CLPB: variants seen among roughly 807,000 people sequenced by gnomAD.
CLPB encodes the protein mitochondrial disaggregase.
A neutral mutation model predicts 78.4 loss-of-function variants in CLPB; 40 were observed. The ratio of observed to expected loss-of-function variants is 0.51; its 90% CI spans 0.40 to 0.66. The LOEUF (loss-of-function observed/expected upper bound fraction) is 0.66. Ranked by LOEUF, CLPB falls within the 30% of genes least tolerant of loss-of-function variation. CLPB has a pLI of 0.00. For missense variants in CLPB, 780 were observed against 886.9 expected (o/e 0.88, Z 1.53); for synonymous variants, 333 against 348.0 (o/e 0.96, Z 0.48).
intron 9 of CLPB, among the ~76,000 whole-genome samples, chr11:72,304,436 G>C (rs1447427621): frequency 1.3e-5 from 2 of 152,166 alleles, no homozygotes; most frequent in African/African-American, 4.8e-5. Flanking sequence ...GACTCAGATA[G>C]TTGTTCTTTA....
At chr11:72,368,458 A>G (rs1384203808) in intron 4 of CLPB, among the ~76,000 whole-genome samples, 3 of 152,198 alleles carry the variant, frequency 2.0e-5, no homozygotes, top group Admixed American at 6.5e-5. Context: ...TTCAACTCCA[A>G]GGCTTATAAC....
At chr11:72,412,445 T>C (rs1490373398) in intron 2 of CLPB, among the ~76,000 whole-genome samples, 1 of 152,216 alleles carries the variant, frequency 6.6e-6, no homozygotes, top group Non-Finnish European at 1.5e-5. Context: ...CTATTTCCTA[T>C]CACAGAAAAC....
intron 5 of CLPB, among the ~76,000 whole-genome samples, chr11:72,346,608 T>C (rs1790606448): frequency 6.6e-6 from 1 of 150,446 alleles, no homozygotes; most frequent in Non-Finnish European, 1.5e-5. Context: ...AAGATGGAGA[T>C]ATGCCACACT....
chr11:72,346,239 T>C (rs867224265), intron 5 of CLPB, among the ~76,000 whole-genome samples: 2 of 152,116 alleles, frequency 1.3e-5, no homozygotes, highest in African/African-American at 2.4e-5. Flanking sequence ...CTGGACAACA[T>C]AGCTAGATGC....
chr11:72,342,265 G>A (rs1950434428), intron 5 of CLPB, among the ~76,000 whole-genome samples: 1 of 152,180 alleles, frequency 6.6e-6, no homozygotes, highest in Non-Finnish European at 1.5e-5. Context: ...AGTGTGGTTA[G>A]AAAGAGGTGG....
At chr11:72,403,708 G>C (rs1423610676) in intron 2 of CLPB, among the ~76,000 whole-genome samples, 1 of 152,160 alleles carries the variant, frequency 6.6e-6, no homozygotes, top group African/African-American at 2.4e-5. Flanking sequence ...AGGTTCCTAG[G>C]AGAGTCCACA....
At chr11:72,384,715 A>G (rs1395428358) in intron 3 of CLPB, among the ~76,000 whole-genome samples, 1 of 152,234 alleles carries the variant, frequency 6.6e-6, no homozygotes, top group East Asian at 1.9e-4. Context: ...TATGGCATGC[A>G]AATGGGAACC....
In CLPB at chr11:72,287,217, A is replaced by G. The variant is rs756364791; in HGVS notation, c.*6150T>C. On this transcript the variant is annotated 3_prime_UTR_variant, in exon 16 of 16. Transcript: ENST00000538039. ...CTATTTTGGGGGTTGAGTGATGGCT[A>G]TAGGAGTGTGTTTACTTTGTAATCA... 4.6e-5 allele frequency: 7 copies of G among 152,210 alleles called. No individual in the cohort carries two copies. Among genetic ancestry groups the G allele is most frequent in the Non-Finnish European group, 7.3e-5 (5 of 68,034 alleles). 9.4% of individuals were successfully genotyped at this position (152,210 alleles called of 1,614,324 possible).
At chr11:72,407,342 C>G (rs1855739090) in intron 2 of CLPB, among the ~76,000 whole-genome samples, 1 of 152,236 alleles carries the variant, frequency 6.6e-6, no homozygotes, top group African/African-American at 2.4e-5. Flanking sequence ...AGCCAGCTTT[C>G]TAATCACTGC....
intron 2 of CLPB, among the ~76,000 whole-genome samples, chr11:72,418,000 T>C (rs1203373508): frequency 6.6e-6 from 1 of 152,160 alleles, no homozygotes; most frequent in Non-Finnish European, 1.5e-5. Flanking sequence ...GTGCTATCCC[T>C]TCAAACAAAA....
intron 5 of CLPB, among the ~76,000 whole-genome samples, chr11:72,346,095 A>AG (rs747916716): frequency 6.6e-6 from 1 of 152,200 alleles, no homozygotes; most frequent in Non-Finnish European, 1.5e-5. Context: ...GGGGCAGATG[A>AG]GGGGGCAGGC....
chr11:72,362,926 C>T (rs887010242), intron 4 of CLPB, among the ~76,000 whole-genome samples: 17 of 152,210 alleles, frequency 1.1e-4, no homozygotes, highest in African/African-American at 1.7e-4. Context: ...GAGGCCGAGG[C>T]GGGCAGATCG....
rs145187051 is a variant in CLPB, at chr11:72,394,180, A to G, written c.542+8786T>C. Reference sequence around the variant, plus strand: ...TTACTAAAAGCCTGAAACACCCATGATATCTACTGCCGACCCCTGGCCCAC... The same window carrying G: ...TTACTAAAAGCCTGAAACACCCATGGTATCTACTGCCGACCCCTGGCCCAC... On this transcript the variant is annotated intron_variant, in intron 3 of 15. Coordinates refer to ENST00000538039, the MANE Select transcript of CLPB (RefSeq NM_001258392.3). Among the ~76,000 whole-genome samples, 394 of 152,328 alleles carry G rather than the reference A, an allele frequency of 2.6e-3. 2 individuals carry two copies. Among genetic ancestry groups the G allele is most frequent in the African/African-American group, 9.0e-3 (374 of 41,564 alleles).
intron 5 of CLPB, among the ~76,000 whole-genome samples, chr11:72,338,376 G>C (rs1950359484): frequency 6.6e-6 from 1 of 152,162 alleles, no homozygotes; most frequent in African/African-American, 2.4e-5. Flanking sequence ...AAGGAAATTA[G>C]AGCTCAAGGT....
At chr11:72,324,536 G>C (rs919122358) in intron 6 of CLPB, among the ~76,000 whole-genome samples, 8 of 151,970 alleles carry the variant, frequency 5.3e-5, no homozygotes, top group Non-Finnish European at 1.0e-4. Context: ...CTGCACTCGA[G>C]CCTGGGCGAC....
intron 5 of CLPB, among the ~76,000 whole-genome samples, chr11:72,346,996 A>AC (rs1950528222): frequency 6.7e-6 from 1 of 148,540 alleles, no homozygotes; most frequent in African/African-American, 2.5e-5. Context: ...ATTAAAAAAA[A>AC]AAAAAAAAAA....
intron 4 of CLPB, chr11:72,372,808 G>T: frequency 1.1e-6 from 1 of 896,158 alleles, no homozygotes; most frequent in Non-Finnish European, 1.8e-6. Context: ...GGTTAGGCTG[G>T]GCACACAGTG....
At chr11:72,384,091 T>C (rs1444658869) in intron 3 of CLPB, among the ~76,000 whole-genome samples, 1 of 152,088 alleles carries the variant, frequency 6.6e-6, no homozygotes, top group Non-Finnish European at 1.5e-5. Flanking sequence ...GGGGCAGAGA[T>C]TGTAGTGAGC....
intron 15 of CLPB, 43 bp downstream of exon 15, chr11:72,293,978 AG>A (rs1949498683): frequency 2.6e-6 from 4 of 1,534,506 alleles, no homozygotes; most frequent in Non-Finnish European, 3.6e-6. Flanking sequence ...GGCCCTGGGG[AG>A]GGAGGTGTGG....
Sources: allele counts gnomAD v4.1 joint callset (sites outside exome capture counted in the v4.1 genomes callset), GRCh38; gene constraint gnomAD v4.1.1; transcripts MANE v1.5; gene names NCBI Gene and HGNC (gene_info 2026-07-23, HGNC 2026-07-21).